The following LRRC63 variants were observed in gnomAD, a reference collection of about 807,000 sequenced individuals.
The protein encoded by LRRC63 is leucine rich repeat containing 63, also known as leucine-rich repeat-containing protein 63.
In LRRC63, 40 loss-of-function variants were observed where a neutral mutation model predicts 49.5. The observed-to-expected ratio is 0.81, with a 90% CI of 0.63 to 1.05. The LOEUF (loss-of-function observed/expected upper bound fraction) is 1.05. LRRC63 is among the 50% of genes least tolerant of loss of function. LRRC63 has a pLI of 0.00. For missense variants in LRRC63, 636 were observed against 663.1 expected (o/e 0.96, Z 0.45); for synonymous variants, 191 against 221.1 (o/e 0.86, Z 1.21).
intron 9 of LRRC63, among the ~76,000 whole-genome samples, chr13:46,276,107 G>C (rs2047832984): frequency 6.6e-6 from 1 of 151,780 alleles, no homozygotes; most frequent in South Asian, 2.1e-4. Context: ...ATGTACTAAT[G>C]GATTAATATT....
chr13:46,212,803 AT>A (rs1361253914), intron 1 of LRRC63, among the ~76,000 whole-genome samples, 198 bp from the exon 2 acceptor site: 3 of 152,198 alleles, frequency 2.0e-5, no homozygotes, highest in Non-Finnish European at 4.4e-5. Context: ...ATAACCCTAC[AT>A]TTTAACTGGA....
At chr13:46,252,887 C>T (rs2047420451) in intron 7 of LRRC63, among the ~76,000 whole-genome samples, 1 of 151,982 alleles carries the variant, frequency 6.6e-6, no homozygotes, top group South Asian at 2.1e-4. Context: ...ACCAGATTAT[C>T]TAGGAAGCCT....
At chr13:46,242,634 A>G (rs1002327836) in intron 5 of LRRC63, among the ~76,000 whole-genome samples, 1 of 152,158 alleles carries the variant, frequency 6.6e-6, no homozygotes, top group African/African-American at 2.4e-5. Flanking sequence ...TCAAATTAGC[A>G]AAAATCAAAG....
intron 4 of LRRC63, among the ~76,000 whole-genome samples, chr13:46,229,596 C>T (rs998813457): frequency 1.3e-4 from 19 of 151,862 alleles, no homozygotes; most frequent in African/African-American, 3.9e-4. Flanking sequence ...AAAATCTTGG[C>T]GAGGAGAGAA....
intron 2 of LRRC63, among the ~76,000 whole-genome samples, chr13:46,217,859 T>G (rs1282840940): frequency 6.6e-6 from 1 of 152,228 alleles, no homozygotes; most frequent in Non-Finnish European, 1.5e-5. Context: ...TGAATTTCGT[T>G]ATTTACCCAG....
intron 2 of LRRC63, among the ~76,000 whole-genome samples, chr13:46,222,256 A>G (rs2046428096): frequency 1.3e-5 from 2 of 151,762 alleles, no homozygotes; most frequent in South Asian, 4.2e-4. Flanking sequence ...TGTATATTCT[A>G]GATGTTAGTA....
At chr13:46,270,338 G>A (rs372594268) in intron 9 of LRRC63, 2 of 864,236 alleles carry the variant, frequency 2.3e-6, no homozygotes, top group Non-Finnish European at 4.0e-6. Context: ...ATTTAAGTGG[G>A]GGGCACAGTT....
At chr13:46,233,428 T>G (rs1161367025) in intron 4 of LRRC63, among the ~76,000 whole-genome samples, 2 of 152,324 alleles carry the variant, frequency 1.3e-5, no homozygotes, top group Non-Finnish European at 1.5e-5. Flanking sequence ...AACCTTTTTT[T>G]GTTTTCTTTG....
chr13:46,249,101 A>C (rs1555327734), intron 6 of LRRC63, among the ~76,000 whole-genome samples: 1 of 151,888 alleles, frequency 6.6e-6, no homozygotes, highest in Non-Finnish European at 1.5e-5. Flanking sequence ...AATGAAAATG[A>C]AAACACAACA....
chr13:46,264,760 C>T (rs1436665869), intron 8 of LRRC63, among the ~76,000 whole-genome samples: 4 of 152,114 alleles, frequency 2.6e-5, no homozygotes, highest in Non-Finnish European at 2.9e-5. Context: ...TAACACCACT[C>T]AGAATGCTAA....
intron 9 of LRRC63, 98 bp from the exon 10 acceptor site, chr13:46,276,492 A>G (rs73188845): frequency 0.28 from 141,957 of 515,270 alleles, 21,263 homozygotes; most frequent in East Asian, 0.43. Flanking sequence ...AGCTCAATGA[A>G]GGTAAGGGCA....
intron 4 of LRRC63, 125 bp downstream of exon 4, chr13:46,228,858 CT>C (rs1396025616): frequency 1.6e-6 from 1 of 625,814 alleles, no homozygotes; most frequent in Non-Finnish European, 2.8e-6. Flanking sequence ...TATGTCTTAC[CT>C]CATTTTCAGC....
rs1389433594 is a variant in LRRC63 at position 46,222,968 on chromosome 13, A to G, written c.86-4544A>G. 6.0e-5 allele frequency among the ~76,000 whole-genome samples: 9 copies of G among 150,300 alleles called. No individual in the cohort carries two copies. The East Asian group carries it at 1.8e-3, about 30-fold the overall frequency. On this transcript the variant is annotated intron_variant, in intron 2 of 9. Coordinates refer to ENST00000595396, the Ensembl canonical transcript of LRRC63. ...CAGTAAACTATCACAAGGACAAAAAACCAAACACGGCATGTTCTCACTCAT... is the reference window on the plus strand; with the variant it reads ...CAGTAAACTATCACAAGGACAAAAAGCCAAACACGGCATGTTCTCACTCAT...
chr13:46,271,274 C>G (rs918985655), intron 9 of LRRC63, among the ~76,000 whole-genome samples: 1 of 152,140 alleles, frequency 6.6e-6, no homozygotes, highest in Admixed American at 6.5e-5. Context: ...ATGGTTATTG[C>G]TTTTGCCTCA....
intron 5 of LRRC63, among the ~76,000 whole-genome samples, chr13:46,246,042 T>C (rs972633802): frequency 9.2e-5 from 14 of 152,290 alleles, no homozygotes; most frequent in Middle Eastern, 3.4e-3. Context: ...ACCTTGATGC[T>C]GTTCTCCTGA....
At chr13:46,241,007 A>C (rs967915588) in intron 5 of LRRC63, among the ~76,000 whole-genome samples, 1 of 152,236 alleles carries the variant, frequency 6.6e-6, no homozygotes, top group Non-Finnish European at 1.5e-5. Context: ...ATGGAACCAA[A>C]AAAGAGCCTG....
chr13:46,237,778 C>G (rs989782219), intron 5 of LRRC63, among the ~76,000 whole-genome samples: 2 of 151,860 alleles, frequency 1.3e-5, no homozygotes, highest in Non-Finnish European at 2.9e-5. Context: ...ACTGGCCTTA[C>G]AAAAATGAAG....
chr13:46,220,881 T>A (rs2046388345), intron 2 of LRRC63, among the ~76,000 whole-genome samples: 1 of 152,160 alleles, frequency 6.6e-6, no homozygotes, highest in South Asian at 2.1e-4. Context: ...GGACCCCTTA[T>A]GCTTCCCAGG....
chr13:46,233,431 T>C (rs1424001011), intron 4 of LRRC63, among the ~76,000 whole-genome samples: 5 of 152,212 alleles, frequency 3.3e-5, no homozygotes, highest in Admixed American at 3.3e-4. Context: ...CTTTTTTTGT[T>C]TTCTTTGTTC....
Sources: allele counts gnomAD v4.1 joint callset (sites outside exome capture counted in the v4.1 genomes callset), GRCh38; gene constraint gnomAD v4.1.1; transcripts MANE v1.5; gene names NCBI Gene and HGNC (gene_info 2026-07-23, HGNC 2026-07-21).